Variants in ATXN2 observed in about 807,000 individuals in gnomAD.
The protein encoded by ATXN2 is ataxin 2, also known as ataxin-2.
Under a neutral mutation model 138.6 loss-of-function variants are expected in ATXN2, and 37 were observed. The ratio of observed to expected loss-of-function variants is 0.27; its 90% CI spans 0.21 to 0.35. The LOEUF (loss-of-function observed/expected upper bound fraction) is 0.35. ATXN2 is among the 10% of genes least tolerant of loss of function. The pLI, the probability that ATXN2 is intolerant of heterozygous loss-of-function variation, is 1.00. For synonymous variants in ATXN2, 549 were observed against 543.7 expected (o/e 1.01, Z -0.13); for missense variants, 1,216 against 1,480.3 (o/e 0.82, Z 2.93).
intron 5 of ATXN2, among the ~76,000 whole-genome samples, chr12:111,550,355 T>C (rs2135783475): frequency 6.6e-6 from 1 of 152,248 alleles, no homozygotes; most frequent in Middle Eastern, 3.4e-3. Flanking sequence ...CAAAGTAATA[T>C]TCACTCTTCC....
chr12:111,591,844 G>C (rs1884679164), intron 1 of ATXN2, among the ~76,000 whole-genome samples: 2 of 152,248 alleles, frequency 1.3e-5, no homozygotes, highest in African/African-American at 4.8e-5. Context: ...CACTTTGGGA[G>C]GCCAAGGCAG....
chr12:111,553,207 T>G (rs1236129557), intron 3 of ATXN2, among the ~76,000 whole-genome samples: 2 of 152,130 alleles, frequency 1.3e-5, no homozygotes, highest in Non-Finnish European at 2.9e-5. Flanking sequence ...AGTCAAACAT[T>G]TCTGACCCCA....
chr12:111,583,139 C>T (rs981538956), intron 1 of ATXN2, among the ~76,000 whole-genome samples: 3 of 151,192 alleles, frequency 2.0e-5, no homozygotes, highest in East Asian at 2.0e-4. Context: ...ACTACAGATG[C>T]GCACCACCAT....
At chr12:111,478,158 G>A (rs968505493) in intron 18 of ATXN2, among the ~76,000 whole-genome samples, 1 of 151,764 alleles carries the variant, frequency 6.6e-6, no homozygotes, top group Admixed American at 6.6e-5. Flanking sequence ...TGTAATCTCA[G>A]CACTTTGGGA....
chr12:111,488,521 C>T lies in ATXN2; in HGVS notation c.2195G>A (p.Cys732Tyr). ...SQGVQTSSPA[C>Y]KQEKDDKEEK... ...TTCCTTATCGTCTTTCTCTTGTTTACATGCTGGGCTGGAAGTCTGAACCCC... is the reference window on the plus strand; with the variant it reads ...TTCCTTATCGTCTTTCTCTTGTTTATATGCTGGGCTGGAAGTCTGAACCCC... Residue 732 changes from cysteine (C) to tyrosine (Y), a missense_variant, in exon 15 of 25, where the codon TGT (cysteine) becomes TAT (tyrosine). This residue lies in a region of ATXN2 where 490 missense variants were observed against 653.5 expected (regional missense o/e 0.75). Transcript: ENST00000673436. The T allele has an allele frequency of 6.2e-7, 1 of 1,614,022 alleles. No individual in the cohort carries two copies. The highest frequency in any genetic ancestry group is 8.5e-7 in the Non-Finnish European group (1 of 1,179,970).
intron 1 of ATXN2, among the ~76,000 whole-genome samples, chr12:111,591,172 A>G (rs1347866937): frequency 6.6e-6 from 1 of 152,038 alleles, no homozygotes; most frequent in Non-Finnish European, 1.5e-5. Flanking sequence ...TACAGGCGTG[A>G]GCCACCGTGC....
chr12:111,465,749 G>A (rs1290220079), intron 20 of ATXN2, among the ~76,000 whole-genome samples: 2 of 116,452 alleles, frequency 1.7e-5, no homozygotes, highest in African/African-American at 3.3e-5. Context: ...CAGAATGGGT[G>A]ACAGAGTGAG....
chr12:111,542,057 C>T (rs924104394), intron 5 of ATXN2, among the ~76,000 whole-genome samples: 4 of 148,952 alleles, frequency 2.7e-5, no homozygotes, highest in South Asian at 2.1e-4. Context: ...CGTGAGCCAA[C>T]GTGCCCGGCC....
intron 1 of ATXN2, among the ~76,000 whole-genome samples, chr12:111,568,577 T>C (rs1883142447): frequency 6.6e-6 from 1 of 152,180 alleles, no homozygotes; most frequent in African/African-American, 2.4e-5. Flanking sequence ...TCTAACCCCC[T>C]TCCAGTAAAA....
At chr12:111,536,773 C>T (rs765992791) in intron 5 of ATXN2, among the ~76,000 whole-genome samples, 1 of 148,104 alleles carries the variant, frequency 6.8e-6, no homozygotes, top group Non-Finnish European at 1.5e-5. Flanking sequence ...TATGTCCACA[C>T]GCAGTTTTTT....
At chr12:111,560,699 T>C (rs1321315688) in intron 1 of ATXN2, among the ~76,000 whole-genome samples, 2 of 151,562 alleles carry the variant, frequency 1.3e-5, no homozygotes, top group Admixed American at 6.6e-5. Flanking sequence ...CCCCCAACCA[T>C]AGGCTAATGA....
At chr12:111,566,908 G>A (rs1883045334) in intron 1 of ATXN2, among the ~76,000 whole-genome samples, 3 of 152,152 alleles carry the variant, frequency 2.0e-5, no homozygotes, top group Admixed American at 2.0e-4. Flanking sequence ...AAAGTACTGG[G>A]ATTACAGGCA....
chr12:111,478,707 T>C (rs1876999357), intron 18 of ATXN2, among the ~76,000 whole-genome samples: 1 of 152,160 alleles, frequency 6.6e-6, no homozygotes, highest in South Asian at 2.1e-4. Flanking sequence ...TCTTATTAAT[T>C]GAAATATGTA....
At chr12:111,462,105 T>C (rs961128566) in intron 21 of ATXN2, among the ~76,000 whole-genome samples, 9 of 152,182 alleles carry the variant, frequency 5.9e-5, no homozygotes, top group Admixed American at 5.2e-4. Context: ...ATAAAGTTAA[T>C]TTTATTTGTA....
intron 18 of ATXN2, among the ~76,000 whole-genome samples, chr12:111,484,369 G>A (rs888439015): frequency 3.3e-5 from 5 of 151,740 alleles, no homozygotes; most frequent in Admixed American, 6.6e-5. Context: ...CCTCCAGCTG[G>A]GATATCAGGC....
At chr12:111,492,102 C>T (rs1878071536) in intron 14 of ATXN2, among the ~76,000 whole-genome samples, 1 of 152,136 alleles carries the variant, frequency 6.6e-6, no homozygotes, top group African/African-American at 2.4e-5. Flanking sequence ...AGACCAAGTA[C>T]AGTTCCAGTG....
intron 5 of ATXN2, among the ~76,000 whole-genome samples, chr12:111,548,018 C>A (rs1881918628): frequency 6.6e-6 from 1 of 151,646 alleles, no homozygotes; most frequent in Non-Finnish European, 1.5e-5. Flanking sequence ...CATGGTAAAA[C>A]CCCATCTCTA....
At chr12:111,541,431 A>G (rs1482011460) in intron 5 of ATXN2, among the ~76,000 whole-genome samples, 1 of 141,634 alleles carries the variant, frequency 7.1e-6, no homozygotes, top group African/African-American at 2.6e-5. Flanking sequence ...GGCTCACTGC[A>G]ACCTCCACCT....
intron 5 of ATXN2, among the ~76,000 whole-genome samples, chr12:111,550,639 A>T (rs959475034): frequency 2.6e-5 from 4 of 152,236 alleles, no homozygotes; most frequent in African/African-American, 9.6e-5. Context: ...GCAGCTAAAA[A>T]AAGACTTGTT....
Sources: allele counts gnomAD v4.1 joint callset (sites outside exome capture counted in the v4.1 genomes callset), GRCh38; gene constraint gnomAD v4.1.1; regional missense constraint gnomAD v4.1.1; transcripts MANE v1.5; gene names NCBI Gene and HGNC (gene_info 2026-07-23, HGNC 2026-07-21).